The following CHCHD3 variants were observed in gnomAD, a reference collection of about 807,000 sequenced individuals.
CHCHD3 encodes the protein coiled-coil-helix-coiled-coil-helix domain containing 3.
Under a neutral mutation model 38.2 loss-of-function variants are expected in CHCHD3, and 20 were observed. The observed-to-expected ratio is 0.52, with a 90% CI of 0.37 to 0.76. The LOEUF is 0.76. Ranked by LOEUF, CHCHD3 falls within the 30% of genes least tolerant of loss-of-function variation. CHCHD3 has a pLI of 0.00. For missense variants in CHCHD3, 245 were observed against 279.2 expected (o/e 0.88, Z 0.87); for synonymous variants, 82 against 100.0 (o/e 0.82, Z 1.07).
chr7:133,002,767 T>C (rs190109490), intron 3 of CHCHD3, among the ~76,000 whole-genome samples: 3 of 152,326 alleles, frequency 2.0e-5, no homozygotes, highest in African/African-American at 4.8e-5. Context: ...CTTACTAAAA[T>C]TGCTCTTCCA....
intron 6 of CHCHD3, among the ~76,000 whole-genome samples, chr7:132,823,019 G>A (rs539893804): frequency 3.3e-5 from 5 of 152,214 alleles, no homozygotes; most frequent in Non-Finnish European, 5.9e-5. Context: ...GTTAAAATAC[G>A]TATGGTATAG....
At chr7:132,790,720 G>A (rs1397909599) in intron 7 of CHCHD3, among the ~76,000 whole-genome samples, 2 of 152,090 alleles carry the variant, frequency 1.3e-5, no homozygotes, top group Non-Finnish European at 2.9e-5. Context: ...GATTATCTTC[G>A]TGCTCTCTGA....
intron 5 of CHCHD3, among the ~76,000 whole-genome samples, chr7:132,857,399 A>T (rs994532522): frequency 6.6e-6 from 1 of 152,090 alleles, no homozygotes; most frequent in African/African-American, 2.4e-5. Context: ...CTCAGAAGGC[A>T]GCCTATTTTA....
chr7:133,035,071 G>A lies in CHCHD3; in HGVS notation c.170-10444C>T, dbSNP rs1280894670. On this transcript the variant is annotated intron_variant, in intron 2 of 7. Transcript: ENST00000262570. This position sits in a 1 kb window ranked among gnomAD's most constrained non-coding sequence, Gnocchi z 4.7. ...TCATCCAACACAAAGGTACTCTTGGGCAGGTGAGCGAAGGGGTCCTTGGCC... is the reference window on the plus strand; with the variant it reads ...TCATCCAACACAAAGGTACTCTTGGACAGGTGAGCGAAGGGGTCCTTGGCC... 1 of 1,613,652 alleles carries A rather than the reference G, an allele frequency of 6.2e-7. No individual in the cohort carries two copies. The highest frequency in any genetic ancestry group is 1.3e-5 in the African/African-American group (1 of 74,902).
At chr7:132,833,401 G>T (rs905601732) in intron 6 of CHCHD3, among the ~76,000 whole-genome samples, 1 of 152,056 alleles carries the variant, frequency 6.6e-6, no homozygotes, top group East Asian at 1.9e-4. Flanking sequence ...AATTATCTTC[G>T]AATCCCTTAG....
chr7:133,049,581 C>A (rs998843732), intron 2 of CHCHD3, among the ~76,000 whole-genome samples: 7 of 152,176 alleles, frequency 4.6e-5, no homozygotes, highest in African/African-American at 1.7e-4. Context: ...ACAAGCCTTA[C>A]TCATCTTTGT....
Position 133,035,288 on chromosome 7 carries a change from C to T in CHCHD3, c.170-10661G>A, listed in dbSNP as rs1013891833. 4 of 1,611,876 alleles carry T rather than the reference C, an allele frequency of 2.5e-6. No individual in the cohort carries two copies. The African/African-American group carries it at 4.0e-5, about 16-fold the overall frequency. On this transcript the variant is annotated intron_variant, in intron 2 of 7. Coordinates refer to ENST00000262570, the MANE Select transcript of CHCHD3 (RefSeq NM_017812.4). This position sits in a 1 kb window ranked among gnomAD's most constrained non-coding sequence, Gnocchi z 4.7. ...TTTTAGCATCAAACTGGGCCATCTT[C>T]TCACACAGTTTCAGTTCCCCCAAGA...
At chr7:132,804,775 G>T (rs1016041193) in intron 6 of CHCHD3, among the ~76,000 whole-genome samples, 7 of 152,186 alleles carry the variant, frequency 4.6e-5, no homozygotes, top group African/African-American at 1.7e-4. Context: ...GAAGGACTGT[G>T]TCTGGCTCCC....
At chr7:132,963,027 T>A (rs1371516694) in intron 4 of CHCHD3, among the ~76,000 whole-genome samples, 1 of 151,844 alleles carries the variant, frequency 6.6e-6, no homozygotes, top group Non-Finnish European at 1.5e-5. Context: ...ATGTTAAATT[T>A]ATTGATTTTG....
chr7:132,973,947 T>A (rs895098533), intron 4 of CHCHD3: 22 of 1,284,554 alleles, frequency 1.7e-5, no homozygotes, highest in Non-Finnish European at 2.2e-5. Flanking sequence ...AGGAGTAACA[T>A]CTGGGTTTCT....
chr7:132,854,712 C>T (rs1808303388), intron 5 of CHCHD3, among the ~76,000 whole-genome samples: 1 of 152,078 alleles, frequency 6.6e-6, no homozygotes, highest in Non-Finnish European at 1.5e-5. Flanking sequence ...CAAGTATTTA[C>T]TGAATGCAAC....
At chr7:133,079,220 A>C (rs1380255770) in intron 1 of CHCHD3, among the ~76,000 whole-genome samples, 1 of 152,230 alleles carries the variant, frequency 6.6e-6, no homozygotes, top group Non-Finnish European at 1.5e-5. Context: ...CATTCTTTTG[A>C]ACAGCTCTAA....
chr7:133,056,035 C>T (rs1814321955), intron 2 of CHCHD3, among the ~76,000 whole-genome samples: 1 of 151,934 alleles, frequency 6.6e-6, no homozygotes, highest in African/African-American at 2.4e-5. Context: ...GTAACCCAAA[C>T]TACTCAGGAA....
chr7:132,930,578 G>A lies in CHCHD3; in HGVS notation c.369+44591C>T, dbSNP rs111795932. Among the ~76,000 whole-genome samples the A allele has an allele frequency of 3.9e-3, 601 of 152,186 alleles. 5 individuals carry two copies. Among genetic ancestry groups the A allele is most frequent in the African/African-American group, 0.014 (563 of 41,528 alleles). ...CAGAGTGTTTCCACTTGTTTGGAAGGCTATACCACATTTCTAACATATTTC... is the reference window on the plus strand; with the variant it reads ...CAGAGTGTTTCCACTTGTTTGGAAGACTATACCACATTTCTAACATATTTC... On this transcript the variant is annotated intron_variant, in intron 4 of 7. Coordinates refer to ENST00000262570, the MANE Select transcript of CHCHD3 (RefSeq NM_017812.4).
intron 5 of CHCHD3, among the ~76,000 whole-genome samples, chr7:132,852,235 TG>T (rs1225439231): frequency 3.3e-5 from 5 of 152,176 alleles, no homozygotes; most frequent in Non-Finnish European, 5.9e-5. Flanking sequence ...GAAGCACTAC[TG>T]CTGAAGAGCT....
chr7:133,079,613 T>A (rs1257886079), intron 1 of CHCHD3, among the ~76,000 whole-genome samples: 2 of 152,200 alleles, frequency 1.3e-5, no homozygotes, highest in Non-Finnish European at 2.9e-5. Flanking sequence ...TTACCGTTTA[T>A]GGATAAGGAA....
At chr7:132,791,228 G>C (rs1806451711) in intron 7 of CHCHD3, among the ~76,000 whole-genome samples, 1 of 152,208 alleles carries the variant, frequency 6.6e-6, no homozygotes, top group African/African-American at 2.4e-5. Context: ...GATGGGGATT[G>C]GGTGGGTACA....
At chr7:132,800,332 C>T (rs1046741789) in intron 6 of CHCHD3, among the ~76,000 whole-genome samples, 2 of 152,086 alleles carry the variant, frequency 1.3e-5, no homozygotes, top group African/African-American at 4.8e-5. Flanking sequence ...TTAGCAAAAA[C>T]AAAGCCAAGG....
intron 3 of CHCHD3, chr7:133,022,335 C>T: frequency 2.2e-6 from 1 of 454,936 alleles, no homozygotes; most frequent in Non-Finnish European, 4.4e-6. Flanking sequence ...ATATGAGTAA[C>T]AGTACAAAGG....
Sources: allele counts gnomAD v4.1 joint callset (sites outside exome capture counted in the v4.1 genomes callset), GRCh38; gene constraint gnomAD v4.1.1; non-coding constraint Gnocchi (gnomAD v3.1); transcripts MANE v1.5; gene names NCBI Gene and HGNC (gene_info 2026-07-23, HGNC 2026-07-21).